The following RAD51B variants were observed in gnomAD, a reference collection of about 807,000 sequenced individuals.
The protein encoded by RAD51B is RAD51 paralog B.
Under a neutral mutation model 42.2 loss-of-function variants are expected in RAD51B, and 38 were observed. That is an observed-to-expected ratio of 0.90 (90% CI 0.70 to 1.18). The LOEUF (loss-of-function observed/expected upper bound fraction) is 1.18. Ranked by LOEUF, RAD51B falls within the 50% of genes most tolerant of loss-of-function variation. The pLI, the probability that RAD51B is intolerant of heterozygous loss-of-function variation, is 0.00. For synonymous variants in RAD51B, 154 were observed against 145.2 expected (o/e 1.06, Z -0.43); for missense variants, 373 against 400.7 (o/e 0.93, Z 0.59).
chr14:68,392,828 C>T (rs1429572219), intron 8 of RAD51B, among the ~76,000 whole-genome samples: 2 of 152,238 alleles, frequency 1.3e-5, no homozygotes, highest in Admixed American at 1.3e-4. Flanking sequence ...TCCCCTCCAG[C>T]CTGGTGCCCC....
chr14:68,663,336 T>C (rs983317144), intron 11 of RAD51B, among the ~76,000 whole-genome samples: 5 of 146,534 alleles, frequency 3.4e-5, no homozygotes, highest in Admixed American at 3.4e-4. Flanking sequence ...GAGAGAGAGA[T>C]GGGTGGGACA....
chr14:68,217,349 C>T (rs759847878), intron 7 of RAD51B, among the ~76,000 whole-genome samples: 36 of 152,290 alleles, frequency 2.4e-4, no homozygotes, highest in East Asian at 2.1e-3. Flanking sequence ...CTTAATCCTA[C>T]GCAATGTAAA....
chr14:67,833,524 G>A (rs1210990627), intron 3 of RAD51B, among the ~76,000 whole-genome samples: 1 of 152,178 alleles, frequency 6.6e-6, no homozygotes, highest in Admixed American at 6.5e-5. Context: ...TGTATACTAT[G>A]TTTTTTGGAT....
intron 8 of RAD51B, among the ~76,000 whole-genome samples, chr14:68,410,268 G>A (rs895059749): frequency 3.3e-5 from 5 of 152,158 alleles, no homozygotes; most frequent in Admixed American, 6.5e-5. Flanking sequence ...TTAAGGCCAT[G>A]TGCAGTTAGT....
At chr14:67,820,537 C>T (rs1594951347) in intron 1 of RAD51B, among the ~76,000 whole-genome samples, 1 of 152,248 alleles carries the variant, frequency 6.6e-6, no homozygotes, top group African/African-American at 2.4e-5. Context: ...TTCGCGCACA[C>T]ATACACCGCA....
chr14:67,917,343 A>G (rs2044186558), intron 7 of RAD51B, among the ~76,000 whole-genome samples: 2 of 152,196 alleles, frequency 1.3e-5, no homozygotes, highest in South Asian at 4.1e-4. Context: ...CTTATGGTGG[A>G]TGGCGAAGTG....
At chr14:68,426,186 A>G (rs957686496) in intron 9 of RAD51B, among the ~76,000 whole-genome samples, 8 of 151,262 alleles carry the variant, frequency 5.3e-5, no homozygotes, top group Non-Finnish European at 8.8e-5. Context: ...CTCCCACCTC[A>G]GCCTCCCGAG....
In RAD51B at chr14:67,885,969, T is replaced by G. The variant is rs779348924; in HGVS notation, c.553T>G (p.Cys185Gly). ...AGTTCATCTTTATCGGGAACTCACC[T>G]GTGATGAAGTTCTACAAAGGTATGC... ...SKVHLYRELTCDEVLQRIESL... is the reference protein window; with the variant it reads ...SKVHLYRELTGDEVLQRIESL... The change falls in exon 6 of 11, where the codon TGT (cysteine) becomes GGT (glycine). Residue 185 changes from cysteine (C) to glycine (G), a missense_variant. By Grantham distance (159) the Cys-to-Gly change is radical (BLOSUM62 -3). Coordinates refer to ENST00000471583, the MANE Select transcript of RAD51B (RefSeq NM_133510.4). 82 of 1,600,162 alleles carry G rather than the reference T, an allele frequency of 5.1e-5. No homozygotes were observed. The highest frequency in any genetic ancestry group is 6.9e-5 in the Non-Finnish European group (81 of 1,169,814).
Position 68,503,708 on chromosome 14 carries a change from G to A in RAD51B, c.1036+35458G>A, listed in dbSNP as rs192066704. 9.2e-5 allele frequency among the ~76,000 whole-genome samples: 14 copies of A among 152,288 alleles called. No individual in the cohort carries two copies. In the East Asian group the frequency reaches 2.5e-3, roughly 27 times the overall value. ...CTGCCCTGCCTTTCAGGGCTAAGAA[G>A]ATGTTAGTAGATGTTCCATAAATAT... On this transcript the variant is annotated intron_variant, in intron 10 of 10. Coordinates refer to the RAD51B transcript ENST00000487270.
Position 67,882,768 on chromosome 14 carries a change from C to T in RAD51B, c.453-3101C>T, listed in dbSNP as rs1036577060. Among the ~76,000 whole-genome samples the T allele has an allele frequency of 8.6e-5, 13 of 150,890 alleles. No individual in the cohort carries two copies. The East Asian group carries it at 9.7e-4, about 11-fold the overall frequency. ...AAATTCTTTCTTTTTTTTTTTGAGA[C>T]GGAGCCTCACTCTGTTGCCTAGGCT... On this transcript the variant is annotated intron_variant, in intron 5 of 10. Coordinates refer to ENST00000471583, the MANE Select transcript of RAD51B (RefSeq NM_133510.4).
intron 7 of RAD51B, among the ~76,000 whole-genome samples, chr14:67,952,703 G>T (rs150981543): frequency 6.6e-6 from 1 of 152,146 alleles, no homozygotes; most frequent in Non-Finnish European, 1.5e-5. Flanking sequence ...GTAGTAGGAG[G>T]GGGAGGAAAA....
At chr14:68,104,593 T>A (rs1206288555) in intron 7 of RAD51B, among the ~76,000 whole-genome samples, 1 of 152,188 alleles carries the variant, frequency 6.6e-6, no homozygotes, top group African/African-American at 2.4e-5. Flanking sequence ...TTCAGTAAAG[T>A]ACCTTTCATC....
At chr14:67,924,676 T>C (rs1395125350) in intron 7 of RAD51B, among the ~76,000 whole-genome samples, 1 of 152,180 alleles carries the variant, frequency 6.6e-6, no homozygotes, top group African/African-American at 2.4e-5. Flanking sequence ...TCCACCCCTG[T>C]AATTCAGTCA....
chr14:67,860,933 C>A (rs1721152878), intron 4 of RAD51B, among the ~76,000 whole-genome samples: 1 of 152,166 alleles, frequency 6.6e-6, no homozygotes, highest in South Asian at 2.1e-4. Flanking sequence ...TTGGCTCATG[C>A]CTGTAATCCT....
intron 7 of RAD51B, among the ~76,000 whole-genome samples, chr14:67,930,983 C>T (rs1047629154): frequency 9.4e-5 from 14 of 148,732 alleles, no homozygotes; most frequent in African/African-American, 3.3e-4. Flanking sequence ...TGCAGTGGTG[C>T]GATCTCAGCT....
intron 8 of RAD51B, among the ~76,000 whole-genome samples, chr14:68,321,679 G>A (rs181764728): frequency 2.0e-5 from 3 of 152,304 alleles, no homozygotes; most frequent in South Asian, 2.1e-4. Flanking sequence ...GTAAAAAAAG[G>A]CAAAATAATC....
chr14:68,334,205 T>C (rs1403610380), intron 8 of RAD51B, among the ~76,000 whole-genome samples: 1 of 152,154 alleles, frequency 6.6e-6, no homozygotes, highest in Non-Finnish European at 1.5e-5. Context: ...ACAAATACCT[T>C]TTGGCTTCTC....
intron 7 of RAD51B, among the ~76,000 whole-genome samples, chr14:68,258,566 T>C (rs557789617): frequency 3.7e-4 from 57 of 152,276 alleles, no homozygotes; most frequent in African/African-American, 1.3e-3. Flanking sequence ...GCGATGGTTT[T>C]TGTGTCTTAA....
At chr14:68,528,075 C>T (rs1887048252) in intron 10 of RAD51B, among the ~76,000 whole-genome samples, 1 of 152,150 alleles carries the variant, frequency 6.6e-6, no homozygotes, top group Non-Finnish European at 1.5e-5. Context: ...AAACCACAGT[C>T]GTCCAACCTG....
Sources: gnomAD v4.1 joint callset for allele counts (sites outside exome capture counted in the v4.1 genomes callset) on GRCh38, gnomAD v4.1.1 for gene constraint, MANE v1.5 for transcripts, NCBI Gene and HGNC (gene_info 2026-07-23, HGNC 2026-07-21) for gene names.